Variants in RIMS2 observed in about 807,000 individuals in gnomAD.
The protein encoded by RIMS2 is regulating synaptic membrane exocytosis protein 2.
RIMS2 carries 59 observed loss-of-function variants against 174.4 expected under a neutral mutation model. The ratio of observed to expected loss-of-function variants is 0.34; its 90% CI spans 0.27 to 0.42. The LOEUF (loss-of-function observed/expected upper bound fraction) is 0.42, where lower values mean the gene tolerates loss of function less well. Among genes scored for constraint, RIMS2 ranks in the 10% least tolerant of loss-of-function variants. RIMS2 has a pLI of 1.00. For synonymous variants in RIMS2, 606 were observed against 572.5 expected, an observed-to-expected ratio of 1.06 and a Z score of -0.84; for missense variants, 1,620 against 1,666.3, an observed-to-expected ratio of 0.97 and a Z score of 0.48.
At chr8:103,994,358 C>T (rs2094933359) in intron 17 of RIMS2, among the ~76,000 whole-genome samples, 1 of 152,070 alleles carries the variant, frequency 6.6e-6, no homozygotes, top group Admixed American at 6.5e-5. Flanking sequence ...GCCTTAGAAT[C>T]TATGACTTCT....
intron 3 of RIMS2, among the ~76,000 whole-genome samples, chr8:103,850,746 A>G (rs1016429895): frequency 1.1e-4 from 16 of 152,070 alleles, no homozygotes; most frequent in African/African-American, 3.9e-4. Context: ...TTTAGTAGGT[A>G]AGTCATATAT....
chr8:103,522,266 G>A (rs1019784792), intron 1 of RIMS2, among the ~76,000 whole-genome samples: 1 of 152,102 alleles, frequency 6.6e-6, no homozygotes, highest in Non-Finnish European at 1.5e-5. Context: ...CTACTTAAGC[G>A]AAAGGTGAAG....
At chr8:103,798,691 G>A (rs2098577115) in intron 3 of RIMS2, among the ~76,000 whole-genome samples, 1 of 152,072 alleles carries the variant, frequency 6.6e-6, no homozygotes, top group Admixed American at 6.6e-5. Context: ...CGTTCATGTG[G>A]GAATATCAAT....
intron 1 of RIMS2, among the ~76,000 whole-genome samples, chr8:103,629,450 G>T (rs2095861776): frequency 6.6e-6 from 1 of 152,142 alleles, no homozygotes; most frequent in Admixed American, 6.5e-5. Context: ...AAGCATGTTG[G>T]AAAGGCTTTG....
chr8:103,754,724 C>T (rs2097955506), intron 2 of RIMS2, among the ~76,000 whole-genome samples: 1 of 152,074 alleles, frequency 6.6e-6, no homozygotes, highest in Non-Finnish European at 1.5e-5. Flanking sequence ...GGTTTAAAGT[C>T]TGTTTTATCA....
intron 3 of RIMS2, among the ~76,000 whole-genome samples, chr8:103,833,246 T>C (rs1040985695): frequency 6.6e-6 from 1 of 152,220 alleles, no homozygotes; most frequent in East Asian, 1.9e-4. Context: ...GGCACTTGAT[T>C]GTCTTTCTGT....
At chr8:103,881,889 A>C (rs2154518693) in intron 3 of RIMS2, among the ~76,000 whole-genome samples, 1 of 151,586 alleles carries the variant, frequency 6.6e-6, no homozygotes, top group South Asian at 2.1e-4. Flanking sequence ...AGTGAATATA[A>C]ATATATACTG....
At chr8:104,158,638 C>T (rs1024095868) in intron 19 of RIMS2, among the ~76,000 whole-genome samples, 1 of 152,152 alleles carries the variant, frequency 6.6e-6, no homozygotes, top group Admixed American at 6.5e-5. Flanking sequence ...TTGCATTTCT[C>T]TGATGACCAG....
intron 19 of RIMS2, among the ~76,000 whole-genome samples, chr8:104,199,636 A>G (rs527612059): frequency 3.3e-5 from 5 of 152,326 alleles, no homozygotes; most frequent in African/African-American, 4.8e-5. Flanking sequence ...GTAGGAAGGC[A>G]TGCCTGTGGT....
intron 13 of RIMS2, among the ~76,000 whole-genome samples, chr8:103,939,411 A>G (rs56384007): frequency 0.024 from 3,635 of 152,220 alleles, 163 homozygotes; most frequent in African/African-American, 0.083. Flanking sequence ...AGCAACTGGG[A>G]TGCACATCAC....
intron 3 of RIMS2, among the ~76,000 whole-genome samples, chr8:103,832,748 A>G (rs1003893651): frequency 1.6e-4 from 25 of 152,246 alleles, no homozygotes; most frequent in Middle Eastern, 3.4e-3. Flanking sequence ...TTTTTAATTT[A>G]TCTATTTGCT....
chr8:103,780,820 A>G (rs1476513699), intron 3 of RIMS2, among the ~76,000 whole-genome samples: 1 of 151,948 alleles, frequency 6.6e-6, no homozygotes, highest in Non-Finnish European at 1.5e-5. Context: ...ATGTCTTTGC[A>G]TTGAAAGGTT....
intron 14 of RIMS2, among the ~76,000 whole-genome samples, chr8:103,958,864 G>A (rs1209653372): frequency 6.6e-6 from 1 of 152,188 alleles, no homozygotes; most frequent in African/African-American, 2.4e-5. Context: ...ACGAAGAGGA[G>A]CTAGTGAAAA....
chr8:104,101,595 G>A (rs548244210), intron 19 of RIMS2, among the ~76,000 whole-genome samples: 6 of 151,986 alleles, frequency 3.9e-5, no homozygotes, highest in South Asian at 2.1e-4. Context: ...CACACACATA[G>A]CATTTACTGT....
chr8:104,031,290 C>A (rs962404292), intron 19 of RIMS2, among the ~76,000 whole-genome samples: 8 of 152,078 alleles, frequency 5.3e-5, no homozygotes, highest in African/African-American at 1.9e-4. Flanking sequence ...ATAAACATTT[C>A]ATTTCATCAC....
chr8:103,992,983 A>G (rs2094827069), intron 17 of RIMS2, among the ~76,000 whole-genome samples: 1 of 152,158 alleles, frequency 6.6e-6, no homozygotes, highest in Non-Finnish European at 1.5e-5. Flanking sequence ...GCACGGTGGC[A>G]GATGCCTATA....
chr8:103,537,371 C>T (rs1840302367), intron 1 of RIMS2, among the ~76,000 whole-genome samples: 3 of 152,136 alleles, frequency 2.0e-5, no homozygotes, highest in Admixed American at 2.0e-4. Context: ...GAATTGAAAA[C>T]TTAGAATAGT....
intron 3 of RIMS2, chr8:103,880,462 A>T: frequency 2.7e-6 from 1 of 369,960 alleles, no homozygotes; most frequent in Non-Finnish European, 4.8e-6. Context: ...GGATTCTATG[A>T]CTCCATCCTT....
intron 2 of RIMS2, among the ~76,000 whole-genome samples, chr8:103,741,873 T>C (rs1429282553): frequency 1.3e-5 from 2 of 152,110 alleles, no homozygotes; most frequent in African/African-American, 2.4e-5. Context: ...CATGAAACTT[T>C]CTGTCAGAGA....
Sources: allele counts gnomAD v4.1 joint callset (sites outside exome capture counted in the v4.1 genomes callset), GRCh38; gene constraint gnomAD v4.1.1; transcripts MANE v1.5; gene names NCBI Gene and HGNC (gene_info 2026-07-23, HGNC 2026-07-21).